AGAP1: variants seen among roughly 807,000 people sequenced by gnomAD.
AGAP1 encodes the protein arf-GAP with GTPase, ANK repeat and PH domain-containing protein 1.
Under a neutral mutation model 105.3 loss-of-function variants are expected in AGAP1, and 29 were observed. That is an observed-to-expected ratio of 0.28 (90% CI 0.21 to 0.38). The LOEUF is 0.38. Among genes scored for constraint, AGAP1 ranks in the 10% least tolerant of loss-of-function variants. AGAP1 has a pLI of 1.00. For synonymous variants in AGAP1, 509 were observed against 485.9 expected, an observed-to-expected ratio of 1.05 and a Z score of -0.63; for missense variants, 998 against 1,165.1, an observed-to-expected ratio of 0.86 and a Z score of 2.09.
chr2:236,042,708 G>GA lies in AGAP1; in HGVS notation c.1891+1868dup, dbSNP rs1172029296. On this transcript the variant is annotated intron_variant, in intron 15 of 17. Transcript: ENST00000304032. This position sits in a 1 kb window ranked among gnomAD's most constrained non-coding sequence, Gnocchi z 5.6. Reference sequence around the variant, plus strand: ...AGATGAGCTTGTGCATGTGAGTGCGGATGGGGGGTGGGAAAGGGAGGCCAG... The same window carrying GA: ...AGATGAGCTTGTGCATGTGAGTGCGGAATGGGGGGTGGGAAAGGGAGGCCAG... 1.3e-5 allele frequency among the ~76,000 whole-genome samples: 2 copies of GA among 152,134 alleles called. No individual in the cohort carries two copies. The highest frequency in any genetic ancestry group is 2.9e-5 in the Non-Finnish European group (2 of 68,038).
chr2:235,916,609 C>T (rs188755939), intron 11 of AGAP1, among the ~76,000 whole-genome samples: 5 of 152,310 alleles, frequency 3.3e-5, no homozygotes, highest in African/African-American at 1.2e-4. Flanking sequence ...GAAGTTGTCT[C>T]ACTAAACCCC....
intron 13 of AGAP1, among the ~76,000 whole-genome samples, chr2:236,032,574 G>A (rs2057257250): frequency 6.6e-6 from 1 of 152,198 alleles, no homozygotes; most frequent in African/African-American, 2.4e-5. Flanking sequence ...TCAGGTGGAT[G>A]ATGGGGAAGC....
In AGAP1 at chr2:235,889,742, T is replaced by C. The variant is rs2050442383; in HGVS notation, c.1155+6293T>C. ...GGGAAACCTTTTTCTCCAGGTCTGT[T>C]TCATGTTGTTGAAAACCTCAAACCT... is the stretch of plus-strand genomic sequence containing the variant. On this transcript the variant is annotated intron_variant, in intron 10 of 17. Transcript: ENST00000304032. The surrounding 1 kb of genome is among the most constrained non-coding windows in gnomAD (Gnocchi z 4.6). Among the ~76,000 whole-genome samples, 1 of 152,140 alleles carries C rather than the reference T, an allele frequency of 6.6e-6. No individual in the cohort carries two copies. The highest frequency in any genetic ancestry group is 6.5e-5 in the Admixed American group (1 of 15,274).
Position 235,931,919 on chromosome 2 carries a change from G to A in AGAP1, c.1483+996G>A, listed in dbSNP as rs573853156. On this transcript the variant is annotated intron_variant, in intron 12 of 17. Transcript: ENST00000304032. The surrounding 1 kb of genome is among the most constrained non-coding windows in gnomAD (Gnocchi z 5.6). The stretch of plus-strand genomic sequence containing the variant: ...GTGACTTGGAGCAGACACACACAGC[G>A]TCACGCGGCTGCCCCGGCTGGCCCA... Among the ~76,000 whole-genome samples, 176 of 152,232 alleles carry A rather than the reference G, an allele frequency of 1.2e-3. No individual in the cohort carries two copies. Among genetic ancestry groups the A allele is most frequent in the African/African-American group, 3.6e-3 (149 of 41,548 alleles).
At chr2:235,928,457 G>T (rs1052144036) in intron 11 of AGAP1, among the ~76,000 whole-genome samples, 1 of 152,168 alleles carries the variant, frequency 6.6e-6, no homozygotes, top group African/African-American at 2.4e-5. Flanking sequence ...CGGGGAACGA[G>T]CCCTGGAGTC....
At position 235,553,999 on chromosome 2, in the gene AGAP1, A is replaced by G. The variant is rs1475123837; in HGVS notation, c.163+59150A>G. Among the ~76,000 whole-genome samples the G allele has an allele frequency of 6.6e-6, 1 of 151,972 alleles. No homozygotes were observed. The highest frequency in any genetic ancestry group is 1.5e-5 in the Non-Finnish European group (1 of 68,000). ...TGGGTGGACAAAGGTTTTCTGTGTGACTCACCTCTGGCCAGAAATTTAGGG... is the reference window on the plus strand; with the variant it reads ...TGGGTGGACAAAGGTTTTCTGTGTGGCTCACCTCTGGCCAGAAATTTAGGG... On this transcript the variant is annotated intron_variant, in intron 1 of 17. Transcript: ENST00000304032. This position sits in a 1 kb window ranked among gnomAD's most constrained non-coding sequence, Gnocchi z 4.5.
intron 6 of AGAP1, among the ~76,000 whole-genome samples, chr2:235,766,907 A>ATTTTTT (rs71036292): frequency 1.8e-5 from 2 of 109,948 alleles, no homozygotes; most frequent in South Asian, 3.4e-4. Context: ...ACACCGGCTA[A>ATTTTTT]TTTTTTTTTT....
chr2:235,711,040 G>C (rs1018803642), intron 2 of AGAP1, among the ~76,000 whole-genome samples: 3 of 152,212 alleles, frequency 2.0e-5, no homozygotes, highest in African/African-American at 7.2e-5. Flanking sequence ...TGAGTAAGTG[G>C]GGGAGCTGAG....
At chr2:235,834,211 T>G (rs911083061) in intron 9 of AGAP1, among the ~76,000 whole-genome samples, 10 of 152,208 alleles carry the variant, frequency 6.6e-5, no homozygotes, top group Admixed American at 1.3e-4. Context: ...CCAGGTTTTC[T>G]TTAGCTACTT....
chr2:235,972,451 T>C (rs1484314765), intron 13 of AGAP1, among the ~76,000 whole-genome samples: 3 of 152,240 alleles, frequency 2.0e-5, no homozygotes, highest in Non-Finnish European at 2.9e-5. Context: ...GGAGTCTTCC[T>C]GGGCCTGTCT....
At position 236,020,757 on chromosome 2, in the gene AGAP1, A is replaced by G. The variant is rs2125598256; in HGVS notation, c.1646-15804A>G. 6.6e-6 allele frequency among the ~76,000 whole-genome samples: 1 copy of G among 152,362 alleles called. No homozygotes were observed. The highest frequency in any genetic ancestry group is 2.1e-4 in the South Asian group (1 of 4,824). ...GACTTATTTAATAGAAAAATGACCCAAAGACTCCATGGAGAATATCTGTGG... is the reference window on the plus strand; with the variant it reads ...GACTTATTTAATAGAAAAATGACCCGAAGACTCCATGGAGAATATCTGTGG... On this transcript the variant is annotated intron_variant, in intron 13 of 17. Transcript: ENST00000304032. The surrounding 1 kb of genome is among the most constrained non-coding windows in gnomAD (Gnocchi z 5.0).
chr2:235,495,497 G>A (rs1238877209), intron 1 of AGAP1, among the ~76,000 whole-genome samples: 1 of 152,244 alleles, frequency 6.6e-6, no homozygotes, highest in Non-Finnish European at 1.5e-5. Flanking sequence ...AGGAGGGCAG[G>A]GCGTCCTCCA....
chr2:236,035,703 G>T lies in AGAP1; in HGVS notation c.1646-858G>T, dbSNP rs2057359824. The stretch of plus-strand genomic sequence containing the variant: ...CTCCTCCTTTGGCGGGGACTTGGGG[G>T]CCGGGAGTAGGGACAGGAATAATGA... On this transcript the variant is annotated intron_variant, in intron 13 of 17. Transcript: ENST00000304032. The surrounding 1 kb of genome is among the most constrained non-coding windows in gnomAD (Gnocchi z 4.2). Among the ~76,000 whole-genome samples, 1 of 152,280 alleles carries T rather than the reference G, an allele frequency of 6.6e-6. No individual in the cohort carries two copies. Among genetic ancestry groups the T allele is most frequent in the African/African-American group, 2.4e-5 (1 of 41,544 alleles).
chr2:235,627,192 GTTTTTTTTTTTTT>G (rs36086999), intron 1 of AGAP1, among the ~76,000 whole-genome samples: 1 of 95,556 alleles, frequency 1.0e-5, no homozygotes, highest in African/African-American at 4.5e-5. Context: ...CTGTTTTGAG[GTTTTTTTTTTTTT>G]TTTTTTTTTT....
chr2:235,979,664 C>T lies in AGAP1; in HGVS notation c.1645+11041C>T, dbSNP rs571853634. ...CAACTTCACAAGGGCCTCTTGTGCA[C>T]GTGGGACATGGAGAAAATTGGCCAT... On this transcript the variant is annotated intron_variant, in intron 13 of 17. Coordinates refer to ENST00000304032, the MANE Select transcript of AGAP1 (RefSeq NM_001037131.3). This position sits in a 1 kb window ranked among gnomAD's most constrained non-coding sequence, Gnocchi z 4.5. Among the ~76,000 whole-genome samples, 14 of 152,188 alleles carry T rather than the reference C, an allele frequency of 9.2e-5. No individual in the cohort carries two copies. The highest frequency in any genetic ancestry group is 4.1e-4 in the South Asian group (2 of 4,820).
chr2:235,706,022 A>C (rs1950516416), intron 1 of AGAP1, among the ~76,000 whole-genome samples: 1 of 152,178 alleles, frequency 6.6e-6, no homozygotes. Context: ...AAACTTCACG[A>C]TTTAATTTCT....
At chr2:235,926,403 C>A (rs1359167559) in intron 11 of AGAP1, among the ~76,000 whole-genome samples, 1 of 152,166 alleles carries the variant, frequency 6.6e-6, no homozygotes, top group Non-Finnish European at 1.5e-5. Flanking sequence ...GGCGTGTTAA[C>A]CCAGCATGGC....
chr2:235,774,106 T>C, intron 6 of AGAP1: 1 of 409,594 alleles, frequency 2.4e-6, no homozygotes, highest in Non-Finnish European at 4.9e-6. Context: ...CAATTAAATA[T>C]CCAGATCTAG....
Position 236,009,976 on chromosome 2 carries a change from C to T in AGAP1, c.1646-26585C>T, listed in dbSNP as rs2056454716. ...ATGGAGGAAGAGTTTGGAATAAAAC[C>T]CTGCTCGTTTGAGCATGCCAGCAGA... On this transcript the variant is annotated intron_variant, in intron 13 of 17. Coordinates refer to ENST00000304032, the MANE Select transcript of AGAP1 (RefSeq NM_001037131.3). The surrounding 1 kb of genome is among the most constrained non-coding windows in gnomAD (Gnocchi z 4.2). 6.6e-6 allele frequency among the ~76,000 whole-genome samples: 1 copy of T among 152,040 alleles called. No individual in the cohort carries two copies. The highest frequency in any genetic ancestry group is 6.6e-5 in the Admixed American group (1 of 15,262).
Sources: gnomAD v4.1 joint callset for allele counts (sites outside exome capture counted in the v4.1 genomes callset) on GRCh38, gnomAD v4.1.1 for gene constraint, Gnocchi (gnomAD v3.1) non-coding constraint, MANE v1.5 for transcripts, NCBI Gene and HGNC (gene_info 2026-07-23, HGNC 2026-07-21) for gene names.